POLR2F: variants seen among roughly 807,000 people sequenced by gnomAD.
POLR2F encodes DNA-directed RNA polymerases I, II, and III subunit RPABC2.
A neutral mutation model predicts 22.7 loss-of-function variants in POLR2F; 12 were observed. That is an observed-to-expected ratio of 0.53 (90% CI 0.34 to 0.86). The LOEUF (loss-of-function observed/expected upper bound fraction) is 0.86, where lower values mean the gene tolerates loss of function less well. Among genes scored for constraint, POLR2F ranks in the 40% least tolerant of loss-of-function variants. The pLI is 0.02. For missense variants in POLR2F, 126 were observed against 171.5 expected (o/e 0.73, Z 1.48); for synonymous variants, 57 against 66.0 (o/e 0.86, Z 0.66).
chr22:37,973,917 C>A, downstream of POLR2F: 2 of 1,610,156 alleles, frequency 1.2e-6, no homozygotes, highest in Middle Eastern at 1.7e-4. Flanking sequence ...TGTCCACTGG[C>A]CACGGCCAGG....
At chr22:37,986,035 T>A, upstream of POLR2F, 1 of 1,186,896 alleles carries the variant, frequency 8.4e-7, no homozygotes, top group Non-Finnish European at 1.1e-6. The surrounding 1 kb of genome is among the most constrained non-coding windows in gnomAD (Gnocchi z 4.7). Flanking sequence ...GCCTCCCTTC[T>A]CTTCCCTGTG....
At chr22:38,022,551 C>CAAA (rs376987789) in intron 1 of POLR2F, among the ~76,000 whole-genome samples, 5 of 55,806 alleles carry the variant, frequency 9.0e-5, no homozygotes, top group Admixed American at 2.0e-4. Flanking sequence ...AACGCTGTCT[C>CAAA]AAAAAAAAAA....
At chr22:37,989,820 C>T (rs555997118) in intron 1 of POLR2F, among the ~76,000 whole-genome samples, 2 of 152,324 alleles carry the variant, frequency 1.3e-5, no homozygotes, top group African/African-American at 4.8e-5. Context: ...TGGCCTGCTC[C>T]TGCCTCCTCT....
chr22:37,990,855 C>G (rs1932712733), intron 1 of POLR2F, among the ~76,000 whole-genome samples: 1 of 152,244 alleles, frequency 6.6e-6, no homozygotes, highest in African/African-American at 2.4e-5. Context: ...TATTTCAAAA[C>G]AAGAGGCCCG....
At chr22:37,964,221 G>A (rs968252454) in intron 3 of POLR2F, among the ~76,000 whole-genome samples, 2 of 152,136 alleles carry the variant, frequency 1.3e-5, no homozygotes, top group African/African-American at 4.8e-5. Flanking sequence ...GGTGCTTTAT[G>A]AAAGGTACAA....
intron 1 of POLR2F, among the ~76,000 whole-genome samples, chr22:38,021,766 G>A (rs534133993): frequency 6.6e-6 from 1 of 151,932 alleles, no homozygotes; most frequent in South Asian, 2.1e-4. Context: ...CAACCTTGTT[G>A]ATTATGCGTC....
chr22:38,003,821 C>T (rs2084796733), intron 1 of POLR2F, among the ~76,000 whole-genome samples: 2 of 152,092 alleles, frequency 1.3e-5, no homozygotes, highest in African/African-American at 4.8e-5. Context: ...AGGTGATTCA[C>T]CTGCCTCAGC....
At chr22:37,984,606 G>C (rs1329434152), upstream of POLR2F, 1 of 151,168 alleles carries the variant, frequency 6.6e-6, no homozygotes, top group African/African-American at 2.4e-5. This position sits in a 1 kb window ranked among gnomAD's most constrained non-coding sequence, Gnocchi z 4.4. Context: ...GGAGAGGGGG[G>C]AGGGGAGAGG....
intron 1 of POLR2F, among the ~76,000 whole-genome samples, chr22:37,996,314 G>T (rs1296870796): frequency 6.6e-6 from 1 of 152,110 alleles, no homozygotes; most frequent in African/African-American, 2.4e-5. Context: ...GAAAGAGGGG[G>T]GAACAGGAAG....
rs2085162423 is a variant in POLR2F, at chr22:38,040,529, A to G, written c.453-539A>G. 4 of 156,044 alleles carry G rather than the reference A, an allele frequency of 2.6e-5. No homozygotes were observed. The South Asian group carries it at 7.7e-4, about 30-fold the overall frequency. The allele number at this position is 156,044 out of a possible 1,614,324, so 9.7% of individuals were successfully genotyped here. ...AGATCCTGAGGGCAGTGGGGTGGTC[A>G]CTGTAGGATTTCAAGGGAGTCAGAT... On this transcript the variant is annotated intron_variant, in intron 5 of 5. Transcript: ENST00000407936.
intron 1 of POLR2F, 107 bp downstream of exon 1, chr22:37,953,914 A>G: frequency 7.5e-7 from 1 of 1,329,960 alleles, no homozygotes; most frequent in African/African-American, 1.4e-5. Flanking sequence ...GTCTGAGGGG[A>G]CTGGGGTCCT....
chr22:38,011,340 A>T (rs982296712), intron 1 of POLR2F, among the ~76,000 whole-genome samples: 12 of 151,468 alleles, frequency 7.9e-5, no homozygotes, highest in African/African-American at 2.7e-4. Context: ...CCTGGGATCA[A>T]GTAATCCACC....
intron 1 of POLR2F, among the ~76,000 whole-genome samples, chr22:38,024,934 C>A (rs1489554474): frequency 6.6e-6 from 1 of 152,052 alleles, no homozygotes; most frequent in Non-Finnish European, 1.5e-5. Flanking sequence ...GAGGGTCTTG[C>A]TTCACCCCAG....
chr22:37,958,733 G>A (rs1250541810), intron 2 of POLR2F, among the ~76,000 whole-genome samples: 1 of 152,030 alleles, frequency 6.6e-6, no homozygotes, highest in Non-Finnish European at 1.5e-5. Flanking sequence ...CCACCTCCTC[G>A]GGAACTCTGT....
chr22:38,024,882 C>T (rs886851275), intron 1 of POLR2F, among the ~76,000 whole-genome samples: 1 of 151,846 alleles, frequency 6.6e-6, no homozygotes, highest in Non-Finnish European at 1.5e-5. Context: ...GAGGAGTCCA[C>T]GGAGGGAAGA....
intron 1 of POLR2F, among the ~76,000 whole-genome samples, chr22:37,993,033 G>A (rs1331699266): frequency 6.6e-6 from 1 of 152,226 alleles, no homozygotes; most frequent in African/African-American, 2.4e-5. Context: ...AGGCAACATG[G>A]TGCAGACATG....
intron 1 of POLR2F, among the ~76,000 whole-genome samples, chr22:37,991,580 A>C (rs1438131635): frequency 6.6e-6 from 1 of 152,160 alleles, no homozygotes; most frequent in African/African-American, 2.4e-5. Context: ...ACCTATTAAC[A>C]TCTTGTAGAG....
intron 1 of POLR2F, among the ~76,000 whole-genome samples, chr22:38,014,551 G>A (rs1278035119): frequency 3.4e-5 from 5 of 148,692 alleles, no homozygotes; most frequent in Admixed American, 1.3e-4. Context: ...GACTCAGTGT[G>A]GCACGATCTC....
chr22:37,968,490 T>G lies in POLR2F; in HGVS notation c.*775T>G. 2 of 986,072 alleles carry G rather than the reference T, an allele frequency of 2.0e-6. No individual in the cohort carries two copies. Among genetic ancestry groups the G allele is most frequent in the Non-Finnish European group, 2.4e-6 (2 of 830,456 alleles). 61.1% of individuals were successfully genotyped at this position (986,072 alleles called of 1,614,324 possible). A position where few individuals can be genotyped will look rare whatever the true frequency, so the allele number is the denominator to read the frequency against. ...ATCCCCTGAGGCCTTGGGGACATGG[T>G]GCTGGGGTGGTGGTGCTCCTGGGTT... is the stretch of plus-strand genomic sequence containing the variant. On this transcript the variant is annotated 3_prime_UTR_variant, in exon 5 of 5. Coordinates refer to ENST00000442738, the MANE Select transcript of POLR2F (RefSeq NM_021974.5).
Sources: allele counts gnomAD v4.1 joint callset (sites outside exome capture counted in the v4.1 genomes callset), GRCh38; gene constraint gnomAD v4.1.1; non-coding constraint Gnocchi (gnomAD v3.1); transcripts MANE v1.5; gene names NCBI Gene and HGNC (gene_info 2026-07-23, HGNC 2026-07-21).